The following SAMSN1 variants were observed in gnomAD, a reference collection of about 807,000 sequenced individuals.
The protein encoded by SAMSN1 is SAM domain-containing protein SAMSN-1.
A neutral mutation model predicts 42.0 loss-of-function variants in SAMSN1; 31 were observed. The observed-to-expected ratio is 0.74, with a 90% CI of 0.55 to 1.00. The LOEUF (loss-of-function observed/expected upper bound fraction) is 1.00, where lower values mean the gene tolerates loss of function less well. Among genes scored for constraint, SAMSN1 ranks in the 50% least tolerant of loss-of-function variants. The pLI is 0.00. For missense variants in SAMSN1, 464 were observed against 439.4 expected (o/e 1.06, Z -0.50); for synonymous variants, 178 against 151.9 (o/e 1.17, Z -1.26).
chr21:14,592,221 G>A (rs1982106975), intron 7 of SAMSN1: 1 of 152,004 alleles, frequency 6.6e-6, no homozygotes, highest in African/African-American at 2.4e-5. Context: ...TCTGTTTCTG[G>A]GTACACCTCC....
chr21:14,529,852 G>T (rs1439544165), intron 1 of SAMSN1, among the ~76,000 whole-genome samples: 2 of 152,140 alleles, frequency 1.3e-5, no homozygotes, highest in African/African-American at 4.8e-5. Flanking sequence ...CATTTTATGT[G>T]TCTATGCCTA....
At position 14,657,668 on chromosome 21, in the gene SAMSN1, A is replaced by G. The variant is rs745645437; in HGVS notation, c.24+1080T>C. On this transcript the variant is annotated intron_variant, in intron 1 of 15. Coordinates refer to the SAMSN1 transcript ENST00000647101. ...TAGATCAACTAGAAAAGTATGCACA[A>G]TACCACTTAAATCACCTGAAATGGG... Among the ~76,000 whole-genome samples, 5 of 151,984 alleles carry G rather than the reference A, an allele frequency of 3.3e-5. 1 individual carries two copies. Among genetic ancestry groups the G allele is most frequent in the Non-Finnish European group, 1.5e-5 (1 of 67,850 alleles).
At chr21:14,539,930 G>T (rs1348639664) in intron 1 of SAMSN1, among the ~76,000 whole-genome samples, 1 of 152,124 alleles carries the variant, frequency 6.6e-6, no homozygotes, top group Non-Finnish European at 1.5e-5. Flanking sequence ...GCATGGTATT[G>T]GTACCAAAAC....
chr21:14,627,656 C>T (rs1983218224), intron 2 of SAMSN1, among the ~76,000 whole-genome samples: 1 of 152,092 alleles, frequency 6.6e-6, no homozygotes, highest in African/African-American at 2.4e-5. Flanking sequence ...AAAGAGATCC[C>T]CCTAGTAGCA....
chr21:14,554,698 C>CTTTTTTTTTTTTTTTT (rs34880996), intron 2 of SAMSN1, among the ~76,000 whole-genome samples: 1 of 130,536 alleles, frequency 7.7e-6, no homozygotes. Flanking sequence ...TTTTCTTTTT[C>CTTTTTTTTTTTTTTTT]TTTTTTTTTT....
intron 3 of SAMSN1, among the ~76,000 whole-genome samples, chr21:14,513,955 T>C (rs1465154242): frequency 2.6e-5 from 4 of 152,120 alleles, no homozygotes; most frequent in African/African-American, 7.2e-5. Context: ...GCCATGGAAA[T>C]GTGCCACTTA....
At chr21:14,532,066 C>CGCCA (rs1262699381) in intron 1 of SAMSN1, among the ~76,000 whole-genome samples, 1 of 152,048 alleles carries the variant, frequency 6.6e-6, no homozygotes, top group African/African-American at 2.4e-5. Context: ...TAATGGTCAC[C>CGCCA]GCCAGCCCAG....
rs368006138 is a variant in SAMSN1 at position 14,510,394 on chromosome 21, G to A, written c.477C>T (p.Pro159=). The A allele has an allele frequency of 4.0e-5, 64 of 1,614,068 alleles. 1 individual carries two copies. In the African/African-American group the frequency reaches 6.5e-4, roughly 16 times the overall value. The change falls in exon 5 of 8, where the codon CCC becomes CCT. Residue 159 remains proline, a synonymous_variant. Coordinates refer to ENST00000400566, the MANE Select transcript of SAMSN1 (RefSeq NM_022136.5). The part of the protein sequence containing the change: ...RDSFRLDDDG[P]YSGPFCGRAR... Reference sequence around the variant, plus strand: ...CACGGCCACAGAATGGTCCTGAATAGGGGCCATCGTCATCCAGTCGAAAGC... The same window carrying A: ...CACGGCCACAGAATGGTCCTGAATAAGGGCCATCGTCATCCAGTCGAAAGC...
intron 6 of SAMSN1, among the ~76,000 whole-genome samples, chr21:14,498,882 T>C (rs904921103): frequency 6.6e-6 from 1 of 152,206 alleles, no homozygotes; most frequent in Non-Finnish European, 1.5e-5. Flanking sequence ...TGCATCCCAT[T>C]TGGAAATGTT....
Position 14,632,985 on chromosome 21 carries a change from T to C in SAMSN1, c.156+10017A>G, listed in dbSNP as rs368516411. Among the ~76,000 whole-genome samples, 38 of 152,302 alleles carry C rather than the reference T, an allele frequency of 2.5e-4. No homozygotes were observed. In the East Asian group the frequency reaches 3.9e-3, roughly 15 times the overall value. ...CAGAGGCAGTCTGCTAGCCCGTCTT[T>C]TGTACCCTAATCACAAAAGTGACTT... On this transcript the variant is annotated intron_variant, in intron 2 of 15. Transcript: ENST00000647101.
intron 2 of SAMSN1, among the ~76,000 whole-genome samples, chr21:14,560,360 C>G (rs1393516315): frequency 6.6e-6 from 1 of 152,142 alleles, no homozygotes; most frequent in African/African-American, 2.4e-5. Flanking sequence ...TAGCTGACTC[C>G]ATCTTGCTTC....
intron 2 of SAMSN1, among the ~76,000 whole-genome samples, chr21:14,619,207 T>C (rs1982937470): frequency 6.6e-6 from 1 of 152,258 alleles, no homozygotes; most frequent in Non-Finnish European, 1.5e-5. Flanking sequence ...TTCAGACTAA[T>C]ATGTGCCTGT....
intron 2 of SAMSN1, among the ~76,000 whole-genome samples, chr21:14,628,063 G>C (rs1023748372): frequency 6.6e-6 from 1 of 152,080 alleles, no homozygotes; most frequent in African/African-American, 2.4e-5. Context: ...GTAATAGAAA[G>C]AAATTTCTGC....
chr21:14,640,057 C>T (rs1306202125), intron 2 of SAMSN1, among the ~76,000 whole-genome samples: 1 of 152,168 alleles, frequency 6.6e-6, no homozygotes, highest in Admixed American at 6.5e-5. Flanking sequence ...CATAATTATA[C>T]ATATGAACTA....
intron 2 of SAMSN1, among the ~76,000 whole-genome samples, chr21:14,630,638 A>C (rs1400277202): frequency 6.6e-6 from 1 of 152,218 alleles, no homozygotes; most frequent in East Asian, 1.9e-4. Flanking sequence ...GGAAACAATA[A>C]AAATGAAAGA....
intron 6 of SAMSN1, among the ~76,000 whole-genome samples, chr21:14,597,725 G>A (rs1353118752): frequency 6.6e-6 from 1 of 152,176 alleles, no homozygotes; most frequent in Non-Finnish European, 1.5e-5. Flanking sequence ...TCCAACCCGG[G>A]TGCCGCTTCT....
intron 2 of SAMSN1, among the ~76,000 whole-genome samples, chr21:14,633,051 G>T (rs1983372971): frequency 6.6e-6 from 1 of 152,140 alleles, no homozygotes. Flanking sequence ...CAAGTAACAT[G>T]CAAGGATGAA....
intron 5 of SAMSN1, among the ~76,000 whole-genome samples, chr21:14,501,476 C>T (rs1231866612): frequency 6.6e-6 from 1 of 152,078 alleles, no homozygotes; most frequent in African/African-American, 2.4e-5. Flanking sequence ...GTTATCTTAA[C>T]CAAAAATTGA....
At chr21:14,649,314 C>T (rs1983783923) in intron 1 of SAMSN1, among the ~76,000 whole-genome samples, 1 of 150,916 alleles carries the variant, frequency 6.6e-6, no homozygotes, top group South Asian at 2.1e-4. Flanking sequence ...GGGAGATATA[C>T]CTAATGCTAG....
Sources: gnomAD v4.1 joint callset for allele counts (sites outside exome capture counted in the v4.1 genomes callset) on GRCh38, gnomAD v4.1.1 for gene constraint, MANE v1.5 for transcripts, NCBI Gene and HGNC (gene_info 2026-07-23, HGNC 2026-07-21) for gene names.